VIRMA: variants seen among roughly 807,000 people sequenced by gnomAD.
The protein encoded by VIRMA is protein virilizer homolog.
In VIRMA, 65 loss-of-function variants were observed where a neutral mutation model predicts 182.4. The ratio of observed to expected loss-of-function variants is 0.36; its 90% CI spans 0.29 to 0.44. The LOEUF is 0.44. VIRMA is among the 20% of genes least tolerant of loss of function. The pLI is 1.00. For synonymous variants in VIRMA, 709 were observed against 743.1 expected (o/e 0.95, Z 0.75); for missense variants, 1,752 against 2,158.1 (o/e 0.81, Z 3.73).
intron 3 of VIRMA, among the ~76,000 whole-genome samples, chr8:94,537,518 A>C (rs1815383810): frequency 6.6e-6 from 1 of 152,168 alleles, no homozygotes; most frequent in Non-Finnish European, 1.5e-5. Flanking sequence ...ACATAAAAAC[A>C]CCCCCAAATA....
At position 94,496,223 on chromosome 8, in the gene VIRMA, C is replaced by G. The variant is rs1332662979; in HGVS notation, c.4383+105G>C. On this transcript the variant is annotated intron_variant, in intron 18 of 23. Coordinates refer to ENST00000297591, the MANE Select transcript of VIRMA (RefSeq NM_015496.5). ...AGTTATTTGAAATGGTACAAACACC[C>G]AGCTAAAGATTCACTATTTTAAAAA... 19 of 918,826 alleles carry G rather than the reference C, an allele frequency of 2.1e-5. No individual in the cohort carries two copies. In the East Asian group the frequency reaches 5.0e-4, roughly 24 times the overall value. The allele number at this position is 918,826 out of a possible 1,614,324, so 56.9% of individuals were successfully genotyped here.
chr8:94,529,305 T>C lies in VIRMA; in HGVS notation c.645A>G (p.Glu215=), dbSNP rs1265246024. ...CAGGAGAAATGGGCTCAAAGTAATC[T>C]TCTCTATGAGGAGCATCCTCTTCCT... ...GDKEEDAPHR[E]DYFEPISPDR... The change falls in exon 7 of 24, where the codon GAA becomes GAG. Residue 215 remains glutamate (E), a synonymous_variant. Coordinates refer to ENST00000297591, the MANE Select transcript of VIRMA (RefSeq NM_015496.5). 1 of 1,612,752 alleles carries C rather than the reference T, an allele frequency of 6.2e-7. No individual in the cohort carries two copies. The highest frequency in any genetic ancestry group is 1.7e-5 in the Admixed American group (1 of 59,998).
intron 1 of VIRMA, among the ~76,000 whole-genome samples, chr8:94,545,580 A>T (rs1815730112): frequency 6.6e-6 from 1 of 152,236 alleles, no homozygotes; most frequent in Non-Finnish European, 1.5e-5. Context: ...GACAAGACAT[A>T]ATCTCTGCCA....
chr8:94,496,728 A>G, intron 17 of VIRMA: 1 of 340,946 alleles, frequency 2.9e-6, no homozygotes, highest in Non-Finnish European at 5.2e-6. Flanking sequence ...TCAACAAAAT[A>G]CCGAATGGCA....
intron 4 of VIRMA, among the ~76,000 whole-genome samples, chr8:94,536,717 C>T (rs770456465): frequency 1.3e-5 from 2 of 152,128 alleles, no homozygotes; most frequent in African/African-American, 2.4e-5. Context: ...CGGTGGCTCA[C>T]GCCTGTAATC....
intron 18 of VIRMA, 151 bp downstream of exon 18, chr8:94,496,177 C>T (rs955930648): frequency 1.4e-6 from 1 of 724,604 alleles, no homozygotes. Flanking sequence ...GAGGACTTCA[C>T]TTCAAATTAT....
intron 13 of VIRMA, 149 bp downstream of exon 13, chr8:94,511,036 G>C: frequency 7.0e-7 from 1 of 1,422,760 alleles, no homozygotes; most frequent in Non-Finnish European, 9.2e-7. Context: ...TGACCAACTT[G>C]TTTCAGTTTT....
chr8:94,545,813 G>A (rs1192453592), intron 1 of VIRMA, among the ~76,000 whole-genome samples: 1 of 152,116 alleles, frequency 6.6e-6, no homozygotes, highest in Non-Finnish European at 1.5e-5. Flanking sequence ...CCAGCACTTT[G>A]GGAGGCTGAG....
At chr8:94,492,941 T>C in intron 20 of VIRMA, 123 bp from the exon 21 acceptor site, 1 of 796,102 alleles carries the variant, frequency 1.3e-6, no homozygotes, top group South Asian at 2.1e-5. Context: ...ATTATAGATC[T>C]ACCTCTTTCA....
chr8:94,552,480 GA>G (rs1244999462), intron 1 of VIRMA, among the ~76,000 whole-genome samples: 1 of 151,186 alleles, frequency 6.6e-6, no homozygotes, highest in Non-Finnish European at 1.5e-5. Flanking sequence ...GAGCACACTT[GA>G]TAAAAATAAA....
rs1814373151 is a variant in VIRMA at position 94,511,494 on chromosome 8, C to T, written c.3081G>A (p.Glu1027=). The T allele has an allele frequency of 1.9e-6, 3 of 1,614,000 alleles. No individual in the cohort carries two copies. Among genetic ancestry groups the T allele is most frequent in the Non-Finnish European group, 1.7e-6 (2 of 1,180,020 alleles). The change falls in exon 13 of 24, where the codon GAG becomes GAA. Residue 1027 remains glutamate (E), a synonymous_variant. Coordinates refer to ENST00000297591, the MANE Select transcript of VIRMA (RefSeq NM_015496.5). ...LTELLRGGSF[E]FKDMRVPSAL... ...CTGAAGGAACACGCATGTCCTTAAA[C>T]TCAAAGGATCCACCTCTCAGGAGTT...
At chr8:94,529,892 G>T (rs1815103822) in intron 6 of VIRMA, among the ~76,000 whole-genome samples, 1 of 151,988 alleles carries the variant, frequency 6.6e-6, no homozygotes, top group African/African-American at 2.4e-5. Context: ...CACCCACCTT[G>T]GCCTCCCAAA....
intron 11 of VIRMA, 110 bp downstream of exon 11, chr8:94,514,759 A>G (rs1016907995): frequency 1.2e-5 from 7 of 605,774 alleles, no homozygotes; most frequent in Non-Finnish European, 2.1e-5. Flanking sequence ...TAAATCAATC[A>G]AGGACACTTA....
intron 8 of VIRMA, 48 bp downstream of exon 8, chr8:94,526,175 C>A: frequency 7.0e-7 from 1 of 1,418,862 alleles, no homozygotes; most frequent in South Asian, 1.4e-5. Context: ...ATAAAATTGT[C>A]TCCAATGATT....
At chr8:94,502,477 T>A (rs1367140025) in intron 16 of VIRMA, among the ~76,000 whole-genome samples, 4 of 151,618 alleles carry the variant, frequency 2.6e-5, no homozygotes, top group Non-Finnish European at 5.9e-5. Context: ...TAAATTAATT[T>A]TAAAATATGT....
chr8:94,547,403 C>T (rs1305383885), intron 1 of VIRMA, among the ~76,000 whole-genome samples: 1 of 151,012 alleles, frequency 6.6e-6, no homozygotes, highest in East Asian at 1.9e-4. Flanking sequence ...TGGAAGGAGT[C>T]ATTTACCTGC....
At chr8:94,546,318 A>C (rs898080822) in intron 1 of VIRMA, among the ~76,000 whole-genome samples, 2 of 150,952 alleles carry the variant, frequency 1.3e-5, no homozygotes, top group African/African-American at 5.0e-5. Flanking sequence ...AACTCAACAA[A>C]TCCAAACTGA....
rs140794861 is a variant in VIRMA at position 94,496,694 on chromosome 8, A to C, written c.4231-214T>G. ...ACAAAATATTTAAATAAGCAAACAT[A>C]TATTTTACTGGCACCAAGACTTTTC... On this transcript the variant is annotated intron_variant, in intron 17 of 23. Coordinates refer to ENST00000297591, the MANE Select transcript of VIRMA (RefSeq NM_015496.5). 486 of 418,436 alleles carry C rather than the reference A, an allele frequency of 1.2e-3. 2 individuals are homozygous for C. The highest frequency in any genetic ancestry group is 8.8e-3 in the African/African-American group (431 of 49,110). The allele number at this position is 418,436 out of a possible 1,614,324, so 25.9% of individuals were successfully genotyped here. A position where few individuals can be genotyped will look rare whatever the true frequency, so the allele number is the denominator to read the frequency against.
At chr8:94,494,534 G>A (rs532201951) in intron 20 of VIRMA, among the ~76,000 whole-genome samples, 3 of 133,620 alleles carry the variant, frequency 2.2e-5, no homozygotes, top group Non-Finnish European at 4.6e-5. Context: ...GGAGGTTGCA[G>A]TGAGCTGAGA....
Sources: gnomAD v4.1 joint callset for allele counts (sites outside exome capture counted in the v4.1 genomes callset) on GRCh38, gnomAD v4.1.1 for gene constraint, MANE v1.5 for transcripts, NCBI Gene and HGNC (gene_info 2026-07-23, HGNC 2026-07-21) for gene names.